The following EYS variants were observed in gnomAD, a reference collection of about 807,000 sequenced individuals.
EYS encodes protein eyes shut homolog.
Under a neutral mutation model 282.1 loss-of-function variants are expected in EYS, and 250 were observed. The ratio of observed to expected loss-of-function variants is 0.89; its 90% CI spans 0.80 to 0.98. The LOEUF is 0.98. Among genes scored for constraint, EYS ranks in the 50% least tolerant of loss-of-function variants. The probability of loss-of-function intolerance (pLI) is 0.00; values close to 1 mark genes in which losing one functional copy is unlikely to be tolerated. For synonymous variants in EYS, 1,355 were observed against 1,282.9 expected (o/e 1.06, Z -1.20); for missense variants, 4,016 against 3,709.0 (o/e 1.08, Z -2.15).
At chr6:65,234,392 A>T (rs1214920274) in intron 12 of EYS, among the ~76,000 whole-genome samples, 2 of 152,192 alleles carry the variant, frequency 1.3e-5, no homozygotes, top group African/African-American at 4.8e-5. Flanking sequence ...AGGCAATCAA[A>T]GTCTCAGATT....
chr6:65,378,657 G>A (rs1304181087), intron 8 of EYS, among the ~76,000 whole-genome samples: 1 of 152,088 alleles, frequency 6.6e-6, no homozygotes, highest in Non-Finnish European at 1.5e-5. Context: ...ATGATAGACT[G>A]GATAAAGAAA....
intron 2 of EYS, among the ~76,000 whole-genome samples, chr6:65,561,566 G>A (rs1769060012): frequency 6.6e-6 from 1 of 152,036 alleles, no homozygotes; most frequent in Non-Finnish European, 1.5e-5. Flanking sequence ...GTAATGGTAT[G>A]TATTAAATGG....
chr6:63,802,755 G>A (rs147908850), intron 37 of EYS, among the ~76,000 whole-genome samples: 48 of 151,750 alleles, frequency 3.2e-4, no homozygotes, highest in Middle Eastern at 6.9e-3. Context: ...TAAAGAAAAA[G>A]CTCTTTAGTA....
chr6:63,966,215 C>G lies in EYS; in HGVS notation c.7055+18168G>C, dbSNP rs58064395. The stretch of plus-strand genomic sequence containing the variant: ...ATAAATGAATGAACAACATTTGCAG[C>G]GACCTGGATGAGATTGGAGACTATT... On this transcript the variant is annotated intron_variant, in intron 35 of 42. Transcript: ENST00000503581. Among the ~76,000 whole-genome samples, 1,100 of 152,200 alleles carry G rather than the reference C, an allele frequency of 7.2e-3. 15 individuals carry two copies. Among genetic ancestry groups the G allele is most frequent in the African/African-American group, 0.024 (1,017 of 41,514 alleles).
At chr6:64,452,262 C>T (rs200585326) in intron 26 of EYS, among the ~76,000 whole-genome samples, 5,445 of 152,052 alleles carry the variant, frequency 0.036, 226 homozygotes, top group African/African-American at 0.099. Flanking sequence ...TTCACAATTG[C>T]TTCAAAGAGA....
intron 12 of EYS, among the ~76,000 whole-genome samples, chr6:65,133,089 T>C (rs1241052950): frequency 6.6e-6 from 1 of 151,930 alleles, no homozygotes; most frequent in Non-Finnish European, 1.5e-5. Context: ...AACATTTCAT[T>C]CTTATTGGTA....
chr6:64,372,130 G>GTTTTTTTTTTT lies in EYS; in HGVS notation c.6078+16549_6078+16559dup, dbSNP rs201498090. Among the ~76,000 whole-genome samples the GTTTTTTTTTTT allele has an allele frequency of 1.3e-3, 124 of 97,698 alleles. 9 individuals carry two copies. The highest frequency in any genetic ancestry group is 4.4e-3 in the African/African-American group (93 of 21,226). 64.1% of individuals were successfully genotyped at this position (97,698 alleles called of 152,430 possible). A position where few individuals can be genotyped will look rare whatever the true frequency, so the allele number is the denominator to read the frequency against. On this transcript the variant is annotated intron_variant, in intron 29 of 42. Transcript: ENST00000503581. The stretch of plus-strand genomic sequence containing the variant: ...TAGCATCACTGGTCTGTATACTTGT[G>GTTTTTTTTTTT]TTTTTTTTTTTTTTTTTTTTTTTTT...
intron 26 of EYS, among the ~76,000 whole-genome samples, chr6:64,563,898 A>AC (rs1291052525): frequency 6.6e-6 from 1 of 151,990 alleles, no homozygotes. Flanking sequence ...ACCAGTTTTT[A>AC]TTTTTAAAAT....
intron 28 of EYS, among the ~76,000 whole-genome samples, chr6:64,409,805 T>C (rs988360800): frequency 1.3e-5 from 2 of 152,166 alleles, no homozygotes. Flanking sequence ...GATAGGTCTA[T>C]AGGGTCTCAA....
intron 5 of EYS, among the ~76,000 whole-genome samples, chr6:65,452,760 T>G (rs990665969): frequency 6.6e-6 from 1 of 152,012 alleles, no homozygotes; most frequent in African/African-American, 2.4e-5. Context: ...TTGGTCTTCT[T>G]ATATATGGGC....
intron 22 of EYS, among the ~76,000 whole-genome samples, chr6:64,662,837 T>C (rs1769091376): frequency 6.6e-6 from 1 of 152,172 alleles, no homozygotes; most frequent in Non-Finnish European, 1.5e-5. Flanking sequence ...TAGCAAATAA[T>C]GGATTTAGAT....
At chr6:65,040,026 T>C (rs748881336) in intron 13 of EYS, among the ~76,000 whole-genome samples, 5 of 151,692 alleles carry the variant, frequency 3.3e-5, no homozygotes, top group Non-Finnish European at 4.4e-5. Context: ...TTTCTGATTC[T>C]TTCCTCTTAA....
intron 12 of EYS, among the ~76,000 whole-genome samples, chr6:65,260,592 AT>A (rs1430085753): frequency 6.6e-6 from 1 of 151,950 alleles, no homozygotes; most frequent in African/African-American, 2.4e-5. Flanking sequence ...TGTAGTGTTT[AT>A]TTTTTAATCC....
intron 12 of EYS, among the ~76,000 whole-genome samples, chr6:65,114,152 C>A (rs550291239): frequency 3.3e-5 from 5 of 151,870 alleles, no homozygotes; most frequent in African/African-American, 1.2e-4. Context: ...ATGATAGTTT[C>A]ACTGGTATCA....
At chr6:64,688,567 G>A (rs113328763) in intron 22 of EYS, among the ~76,000 whole-genome samples, 5 of 152,154 alleles carry the variant, frequency 3.3e-5, no homozygotes, top group African/African-American at 1.2e-4. Flanking sequence ...GTTCTAGTTT[G>A]ATTGCACTGT....
intron 12 of EYS, among the ~76,000 whole-genome samples, chr6:65,082,801 T>C (rs545036728): frequency 7.5e-6 from 1 of 134,166 alleles, no homozygotes; most frequent in African/African-American, 2.9e-5. Context: ...TTTTAAAATA[T>C]ATGATTTTTT....
intron 12 of EYS, among the ~76,000 whole-genome samples, chr6:65,155,016 A>C (rs889698956): frequency 9.9e-5 from 15 of 151,712 alleles, no homozygotes; most frequent in Admixed American, 3.3e-4. Flanking sequence ...CATATAATAC[A>C]TCTTGAAATG....
intron 31 of EYS, among the ~76,000 whole-genome samples, chr6:64,164,224 T>A (rs1775197018): frequency 6.6e-6 from 1 of 152,114 alleles, no homozygotes; most frequent in African/African-American, 2.4e-5. Context: ...TAACTCTAAT[T>A]TATCCCAGCA....
intron 35 of EYS, among the ~76,000 whole-genome samples, chr6:63,869,441 A>C (rs184947832): frequency 8.7e-4 from 132 of 152,270 alleles, no homozygotes; most frequent in African/African-American, 2.8e-3. Flanking sequence ...AAAATGACCA[A>C]AATTTCTTCC....
Sources: allele counts gnomAD v4.1 joint callset (sites outside exome capture counted in the v4.1 genomes callset), GRCh38; gene constraint gnomAD v4.1.1; transcripts MANE v1.5; gene names NCBI Gene and HGNC (gene_info 2026-07-23, HGNC 2026-07-21).